TMEM268: variants seen among roughly 807,000 people sequenced by gnomAD.
TMEM268 encodes transmembrane protein C9orf91.
TMEM268 carries 24 observed loss-of-function variants against 39.1 expected under a neutral mutation model. That is an observed-to-expected ratio of 0.61 (90% CI 0.44 to 0.86). The LOEUF is 0.86. Ranked by LOEUF, TMEM268 falls within the 40% of genes least tolerant of loss-of-function variation. TMEM268 has a pLI of 0.00. For synonymous variants in TMEM268, 176 were observed against 173.5 expected (o/e 1.01, Z -0.12); for missense variants, 409 against 428.6 (o/e 0.95, Z 0.40).
chr9:114,643,063 C>G (rs1827423528), intron 8 of TMEM268, 71 bp from the exon 9 acceptor site: 1 of 1,510,604 alleles, frequency 6.6e-7, no homozygotes, highest in South Asian at 1.2e-5. Context: ...ATGTCCTTCC[C>G]CTGGTGCCTA....
At chr9:114,642,830 G>C (rs1197899148) in intron 8 of TMEM268, among the ~76,000 whole-genome samples, 1 of 151,968 alleles carries the variant, frequency 6.6e-6, no homozygotes, top group Non-Finnish European at 1.5e-5. Context: ...TTTCTCTAGG[G>C]CTTCGAGGTT....
At chr9:114,636,163 C>G (rs530887637) in intron 6 of TMEM268, among the ~76,000 whole-genome samples, 3 of 152,218 alleles carry the variant, frequency 2.0e-5, no homozygotes, top group African/African-American at 4.8e-5. Flanking sequence ...GACAGGTTGT[C>G]GTAATGTGAA....
At chr9:114,641,048 G>C (rs1827310461) in intron 8 of TMEM268, among the ~76,000 whole-genome samples, 1 of 152,094 alleles carries the variant, frequency 6.6e-6, no homozygotes. Context: ...GCTAATTTTT[G>C]TATTTTTAGT....
intron 5 of TMEM268, 81 bp downstream of exon 5, chr9:114,628,331 C>A: frequency 6.6e-7 from 1 of 1,520,934 alleles, no homozygotes; most frequent in South Asian, 1.2e-5. Context: ...CCTTTTGCCT[C>A]CCTCAAAGAA....
At chr9:114,617,835 G>C (rs867671897) in intron 2 of TMEM268, among the ~76,000 whole-genome samples, 1 of 151,952 alleles carries the variant, frequency 6.6e-6, no homozygotes, top group Non-Finnish European at 1.5e-5. Flanking sequence ...CCTTCCCAAA[G>C]TGCTGGGGTT....
intron 8 of TMEM268, among the ~76,000 whole-genome samples, chr9:114,641,479 CT>C (rs1827336208): frequency 6.6e-6 from 1 of 152,232 alleles, no homozygotes; most frequent in African/African-American, 2.4e-5. Context: ...GAGATCCCAT[CT>C]TCTAGACCAG....
intron 7 of TMEM268, among the ~76,000 whole-genome samples, chr9:114,637,292 T>TC (rs1491065182): frequency 7.7e-6 from 1 of 129,480 alleles, no homozygotes; most frequent in Non-Finnish European, 1.6e-5. Context: ...TTTCTTCTTT[T>TC]TTTTTTTTTT....
In TMEM268 at chr9:114,624,356, A is replaced by G. The variant is rs1846070423; in HGVS notation, c.113A>G (p.His38Arg). Reference sequence around the variant, plus strand: ...GCTTCTGGTCTGCTTCCAGAGCTCCACAATGGCCAGGTCCTCACTGTTCTC... The same window carrying G: ...GCTTCTGGTCTGCTTCCAGAGCTCCGCAATGGCCAGGTCCTCACTGTTCTC... The part of the protein sequence containing the change: ...GSPPGWGQEL[H>R]NGQVLTVLRI... The change falls in exon 3 of 9, where the codon CAC becomes CGC. Residue 38 changes from histidine (H) to arginine (R), a missense_variant. His to Arg is a conservative substitution (Grantham distance 29, BLOSUM62 0). Coordinates refer to ENST00000288502, the MANE Select transcript of TMEM268 (RefSeq NM_153045.4). 6.2e-7 allele frequency: 1 copy of G among 1,600,458 alleles called. No individual in the cohort carries two copies.
intron 2 of TMEM268, among the ~76,000 whole-genome samples, chr9:114,621,867 G>T (rs557430953): frequency 7.2e-5 from 11 of 152,192 alleles, no homozygotes; most frequent in Non-Finnish European, 1.5e-4. Context: ...TTTCCTAAGG[G>T]CTGGAAGAAC....
chr9:114,636,135 T>C (rs1479035758), intron 6 of TMEM268, among the ~76,000 whole-genome samples: 1 of 152,130 alleles, frequency 6.6e-6, no homozygotes, highest in Non-Finnish European at 1.5e-5. Flanking sequence ...AATTAGGATG[T>C]GTGGCAGCTG....
rs1331951991 is a variant in TMEM268 at position 114,638,543 on chromosome 9, G to A, written c.667-1G>A. ...GAGCCCCTTCTCTGTTTCCTTTGCA[G>A]TCCTTGCTGAGAAGCAGATTGAGCC... On this transcript the variant is annotated splice_acceptor_variant, in intron 7 of 8. Coordinates refer to ENST00000288502, the MANE Select transcript of TMEM268 (RefSeq NM_153045.4). LOFTEE classifies it high-confidence loss of function. 2 of 1,562,006 alleles carry A rather than the reference G, an allele frequency of 1.3e-6. No individual in the cohort carries two copies. The highest frequency in any genetic ancestry group is 1.7e-6 in the Non-Finnish European group (2 of 1,153,868).
chr9:114,633,287 G>A (rs918118148), intron 5 of TMEM268, among the ~76,000 whole-genome samples: 5 of 151,472 alleles, frequency 3.3e-5, no homozygotes, highest in East Asian at 1.9e-4. Context: ...TCAGCCTCCC[G>A]AGTAGCTGGG....
At chr9:114,623,712 G>T (rs7036626) in intron 2 of TMEM268, among the ~76,000 whole-genome samples, 1 of 151,928 alleles carries the variant, frequency 6.6e-6, no homozygotes. Flanking sequence ...GCTTTTCCAC[G>T]TTTAAGGTTC....
chr9:114,604,585 CAAA>C, the TMEM268 span, among the ~76,000 whole-genome samples: 1 of 81,658 alleles, frequency 1.2e-5, no homozygotes, highest in Admixed American at 1.5e-4. Context: ...GACTCCGTCT[CAAA>C]AAAAAAAAAA....
chr9:114,630,016 GT>G (rs1400367895), intron 5 of TMEM268, among the ~76,000 whole-genome samples: 1 of 152,194 alleles, frequency 6.6e-6, no homozygotes, highest in Non-Finnish European at 1.5e-5. Context: ...AAAGTGTTTT[GT>G]TTTAGTTAGC....
chr9:114,645,918 A>G lies in TMEM268; in HGVS notation c.*2605A>G, dbSNP rs1827554126. 1 of 152,004 alleles carries G rather than the reference A, an allele frequency of 6.6e-6. No homozygotes were observed. Among genetic ancestry groups the G allele is most frequent in the Admixed American group, 6.6e-5 (1 of 15,266 alleles). The allele number at this position is 152,004 out of a possible 1,614,324, so 9.4% of individuals were successfully genotyped here. ...AGGGTTGCTGTGAAGATCGCATACT[A>G]CACACAGGAATGCTCATCAGTTTTT... On this transcript the variant is annotated 3_prime_UTR_variant, in exon 9 of 9. Coordinates refer to ENST00000288502, the MANE Select transcript of TMEM268 (RefSeq NM_153045.4).
At chr9:114,614,517 A>G (rs900099185) in intron 1 of TMEM268, among the ~76,000 whole-genome samples, 1 of 152,214 alleles carries the variant, frequency 6.6e-6, no homozygotes, top group African/African-American at 2.4e-5. Flanking sequence ...TGCTGTTTAA[A>G]GTATTGAGAG....
At chr9:114,629,899 G>T (rs1846318429) in intron 5 of TMEM268, among the ~76,000 whole-genome samples, 2 of 152,248 alleles carry the variant, frequency 1.3e-5, no homozygotes, top group African/African-American at 4.8e-5. Flanking sequence ...AAATAATGCT[G>T]CCCTTGGGGT....
At chr9:114,626,790 C>T (rs1357650424) in intron 3 of TMEM268, 109 bp from the exon 4 acceptor site, 8 of 745,688 alleles carry the variant, frequency 1.1e-5, no homozygotes, top group Non-Finnish European at 1.8e-5. Flanking sequence ...CTCATTCTGC[C>T]TTTGGGACAG....
Sources: gnomAD v4.1 joint callset for allele counts (sites outside exome capture counted in the v4.1 genomes callset) on GRCh38, gnomAD v4.1.1 for gene constraint, MANE v1.5 for transcripts, NCBI Gene and HGNC (gene_info 2026-07-23, HGNC 2026-07-21) for gene names.